CADPS2: variants seen among roughly 807,000 people sequenced by gnomAD.
CADPS2 encodes the protein calcium dependent secretion activator 2, also known as calcium-dependent secretion activator 2.
Under a neutral mutation model 172.5 loss-of-function variants are expected in CADPS2, and 93 were observed. The observed-to-expected ratio is 0.54, with a 90% CI of 0.46 to 0.64. The LOEUF is 0.64. Ranked by LOEUF, CADPS2 falls within the 30% of genes least tolerant of loss-of-function variation. The probability of loss-of-function intolerance (pLI) is 0.00; values close to 1 mark genes in which losing one functional copy is unlikely to be tolerated. For missense variants in CADPS2, 1,420 were observed against 1,565.9 expected (o/e 0.91, Z 1.57); for synonymous variants, 546 against 555.2 (o/e 0.98, Z 0.23).
At chr7:122,579,654 TATA>T (rs1039793288) in intron 7 of CADPS2, among the ~76,000 whole-genome samples, 11 of 151,704 alleles carry the variant, frequency 7.3e-5, no homozygotes, top group Non-Finnish European at 1.2e-4. Flanking sequence ...TTAAAATTAA[TATA>T]ATAATAGTTT....
intron 18 of CADPS2, among the ~76,000 whole-genome samples, chr7:122,414,698 AATCATATTTATAACCAGAT>A (rs1405237653): frequency 3.9e-5 from 6 of 152,230 alleles, no homozygotes; most frequent in Admixed American, 1.3e-4. Context: ...TGTTTTGAAT[AATCATATTTATAACCAGAT>A]ATCATATTTA....
intron 6 of CADPS2, among the ~76,000 whole-genome samples, chr7:122,611,159 T>C (rs2074244367): frequency 6.6e-6 from 1 of 151,970 alleles, no homozygotes; most frequent in South Asian, 2.1e-4. Flanking sequence ...TAACACACTG[T>C]AAAAATGAGA....
In CADPS2 at chr7:122,319,627, A is replaced by C. The variant is rs2150645599; in HGVS notation, c.*538T>G. The C allele has an allele frequency of 6.6e-6, 1 of 152,364 alleles. No individual in the cohort carries two copies. The allele number at this position is 152,364 out of a possible 1,614,324, so 9.4% of individuals were successfully genotyped here. A position where few individuals can be genotyped will look rare whatever the true frequency, so the allele number is the denominator to read the frequency against. ...ACCTGTAGACCAATTCAAAGTACTAAGAACCAAGATTAAAGATTTTATACA... is the reference window on the plus strand; with the variant it reads ...ACCTGTAGACCAATTCAAAGTACTACGAACCAAGATTAAAGATTTTATACA... On this transcript the variant is annotated 3_prime_UTR_variant, in exon 30 of 30. Coordinates refer to ENST00000449022, the MANE Select transcript of CADPS2 (RefSeq NM_017954.11).
intron 6 of CADPS2, among the ~76,000 whole-genome samples, chr7:122,590,512 T>A (rs1215664015): frequency 6.6e-6 from 1 of 151,930 alleles, no homozygotes; most frequent in Non-Finnish European, 1.5e-5. Flanking sequence ...ATTTAGTCAA[T>A]CACTCTTCTA....
At chr7:122,481,169 T>TG (rs1370144988) in intron 11 of CADPS2, among the ~76,000 whole-genome samples, 1 of 145,416 alleles carries the variant, frequency 6.9e-6, no homozygotes, top group Non-Finnish European at 1.5e-5. Flanking sequence ...ATTCTTTTTT[T>TG]TTTTTTTTTT....
chr7:122,449,801 T>G (rs1033440408), intron 15 of CADPS2, among the ~76,000 whole-genome samples: 4 of 152,208 alleles, frequency 2.6e-5, no homozygotes, highest in Non-Finnish European at 5.9e-5. Flanking sequence ...CTGGCCTTTT[T>G]GGGCAGAATA....
At chr7:122,573,541 AAAAC>A (rs1300042345) in intron 7 of CADPS2, among the ~76,000 whole-genome samples, 14 of 152,202 alleles carry the variant, frequency 9.2e-5, no homozygotes, top group African/African-American at 3.1e-4. Flanking sequence ...AAACATAACA[AAAAC>A]AAACAAAAAA....
intron 27 of CADPS2, among the ~76,000 whole-genome samples, chr7:122,353,095 T>A (rs1047927372): frequency 6.6e-6 from 1 of 152,082 alleles, no homozygotes; most frequent in Admixed American, 6.5e-5. Flanking sequence ...GGATTATAGG[T>A]TGGTGCAGAA....
chr7:122,654,188 T>C (rs954182500), intron 3 of CADPS2, among the ~76,000 whole-genome samples: 3 of 152,170 alleles, frequency 2.0e-5, no homozygotes, highest in African/African-American at 4.8e-5. Context: ...CAATAAGCCA[T>C]CTCCATAACA....
At chr7:122,424,225 A>G in intron 17 of CADPS2, 1 of 567,274 alleles carries the variant, frequency 1.8e-6, no homozygotes, top group Non-Finnish European at 2.2e-6. Flanking sequence ...CCTGCCATTT[A>G]AAGTAAGAGT....
chr7:122,746,293 T>C (rs1481100977), intron 1 of CADPS2, among the ~76,000 whole-genome samples: 1 of 152,128 alleles, frequency 6.6e-6, no homozygotes, highest in African/African-American at 2.4e-5. Flanking sequence ...ATTGAGCACT[T>C]GAAATGTGGC....
At chr7:122,778,947 G>T (rs192778585) in intron 1 of CADPS2, among the ~76,000 whole-genome samples, 1 of 152,150 alleles carries the variant, frequency 6.6e-6, no homozygotes, top group Admixed American at 6.5e-5. Context: ...GACCTGGTAG[G>T]AAGTAATTGA....
chr7:122,423,836 G>A (rs907828484), intron 17 of CADPS2, among the ~76,000 whole-genome samples: 2 of 152,322 alleles, frequency 1.3e-5, no homozygotes, highest in East Asian at 3.9e-4. Flanking sequence ...CAAGTTGCCA[G>A]GTGATGCTCA....
At chr7:122,708,922 T>G (rs1281591046) in intron 2 of CADPS2, among the ~76,000 whole-genome samples, 2 of 151,936 alleles carry the variant, frequency 1.3e-5, no homozygotes, top group Admixed American at 6.6e-5. Flanking sequence ...AACACAAGAT[T>G]AAGACAATAT....
intron 2 of CADPS2, among the ~76,000 whole-genome samples, chr7:122,680,631 T>C (rs893343300): frequency 6.6e-6 from 1 of 152,142 alleles, no homozygotes; most frequent in Non-Finnish European, 1.5e-5. Flanking sequence ...TGAGAATCAC[T>C]TGAGTCTGAG....
intron 29 of CADPS2, among the ~76,000 whole-genome samples, chr7:122,323,150 GAAC>G (rs2032965117): frequency 6.6e-6 from 1 of 152,064 alleles, no homozygotes. Context: ...AAAACAATTA[GAAC>G]ATTAAATTAT....
At chr7:122,575,178 T>TAAAA (rs57716923) in intron 7 of CADPS2, among the ~76,000 whole-genome samples, 30 of 145,130 alleles carry the variant, frequency 2.1e-4, no homozygotes, top group African/African-American at 3.3e-4. Context: ...ATAATAAAAG[T>TAAAA]AAAAAAAAAA....
intron 1 of CADPS2, among the ~76,000 whole-genome samples, chr7:122,848,357 A>C (rs1812603908): frequency 6.6e-6 from 1 of 152,184 alleles, no homozygotes; most frequent in African/African-American, 2.4e-5. Flanking sequence ...GGAAAGATTC[A>C]AGAGGAAATA....
At chr7:122,798,063 T>G (rs1359670045) in intron 1 of CADPS2, among the ~76,000 whole-genome samples, 1 of 151,930 alleles carries the variant, frequency 6.6e-6, no homozygotes, top group Non-Finnish European at 1.5e-5. Flanking sequence ...AAGTTCAATT[T>G]TATGCAAAAC....
Sources: allele counts gnomAD v4.1 joint callset (sites outside exome capture counted in the v4.1 genomes callset), GRCh38; gene constraint gnomAD v4.1.1; transcripts MANE v1.5; gene names NCBI Gene and HGNC (gene_info 2026-07-23, HGNC 2026-07-21).